Variants in ADAMTS17 observed in about 807,000 individuals in gnomAD.
ADAMTS17 encodes ADAM metallopeptidase with thrombospondin type 1 motif 17.
In ADAMTS17, 113 loss-of-function variants were observed where a neutral mutation model predicts 141.5. That is an observed-to-expected ratio of 0.80 (90% CI 0.69 to 0.93). ADAMTS17 has a LOEUF of 0.93. Among genes scored for constraint, ADAMTS17 ranks in the 40% least tolerant of loss-of-function variants. The pLI, the probability that ADAMTS17 is intolerant of heterozygous loss-of-function variation, is 0.00. For missense variants in ADAMTS17, 1,659 were observed against 1,517.9 expected (o/e 1.09, Z -1.54); for synonymous variants, 768 against 630.6 (o/e 1.22, Z -3.27).
chr15:100,003,538 T>C (rs1488691364), intron 18 of ADAMTS17, among the ~76,000 whole-genome samples: 2 of 152,082 alleles, frequency 1.3e-5, no homozygotes, highest in Non-Finnish European at 2.9e-5. Context: ...AGCCACTGAA[T>C]GGCTATGTGG....
intron 18 of ADAMTS17, among the ~76,000 whole-genome samples, chr15:100,000,406 CACG>C (rs762166786): frequency 2.2e-4 from 34 of 152,308 alleles, no homozygotes; most frequent in Non-Finnish European, 4.1e-4. Flanking sequence ...TCTACTCAGT[CACG>C]ACTTTTCTTC....
intron 17 of ADAMTS17, among the ~76,000 whole-genome samples, chr15:100,049,828 C>A (rs1055051647): frequency 6.6e-5 from 10 of 152,226 alleles, no homozygotes; most frequent in African/African-American, 2.4e-4. Context: ...TTTCCTCAAG[C>A]AGCCTGGTTT....
chr15:100,169,492 A>C (rs1179168033), intron 8 of ADAMTS17, among the ~76,000 whole-genome samples: 1 of 152,230 alleles, frequency 6.6e-6, no homozygotes, highest in Non-Finnish European at 1.5e-5. Context: ...AATTATTATT[A>C]TTCCACTTCA....
At chr15:100,269,823 T>C (rs1215010833) in intron 4 of ADAMTS17, among the ~76,000 whole-genome samples, 1 of 152,192 alleles carries the variant, frequency 6.6e-6, no homozygotes, top group East Asian at 1.9e-4. Context: ...CCCCAAACTC[T>C]GAGCTTGGAG....
rs149992169 is a variant in ADAMTS17 at position 100,008,785 on chromosome 15, C to G, written c.2592-11196G>C. On this transcript the variant is annotated intron_variant, in intron 18 of 21. Coordinates refer to ENST00000268070, the MANE Select transcript of ADAMTS17 (RefSeq NM_139057.4). ...AGGCCCACACCTACCCCTGGTGGGT[C>G]AGCCCTGTGACTCTAACACACATGT... 8.1e-3 allele frequency among the ~76,000 whole-genome samples: 1,228 copies of G among 152,310 alleles called. 14 individuals carry two copies. The highest frequency in any genetic ancestry group is 9.8e-3 in the Non-Finnish European group (666 of 68,006).
At chr15:100,109,636 G>A (rs1056641653) in intron 13 of ADAMTS17, among the ~76,000 whole-genome samples, 1 of 152,120 alleles carries the variant, frequency 6.6e-6, no homozygotes, top group Non-Finnish European at 1.5e-5. Context: ...GATCCCAGAA[G>A]AAACTGAGTG....
intron 15 of ADAMTS17, among the ~76,000 whole-genome samples, chr15:100,072,667 T>C (rs1405687176): frequency 6.6e-6 from 1 of 152,214 alleles, no homozygotes; most frequent in Non-Finnish European, 1.5e-5. Flanking sequence ...AAGGATTCCC[T>C]ATTTAATAAA....
intron 6 of ADAMTS17, among the ~76,000 whole-genome samples, chr15:100,261,241 G>A (rs2043505479): frequency 6.6e-6 from 1 of 152,220 alleles, no homozygotes; most frequent in Admixed American, 6.5e-5. Context: ...CAGGGAAAAT[G>A]CCATGTGACA....
chr15:100,248,276 C>T (rs191841426), intron 7 of ADAMTS17, among the ~76,000 whole-genome samples: 50 of 152,142 alleles, frequency 3.3e-4, no homozygotes, highest in African/African-American at 1.2e-3. Context: ...TTTAGGCTGG[C>T]ACAAAAACCA....
intron 15 of ADAMTS17, among the ~76,000 whole-genome samples, chr15:100,061,453 C>G (rs1216009159): frequency 2.0e-5 from 3 of 152,214 alleles, no homozygotes; most frequent in South Asian, 4.2e-4. Flanking sequence ...GTATACATGG[C>G]CCTCAGGCTT....
At chr15:100,050,052 G>A (rs1198553273) in intron 17 of ADAMTS17, among the ~76,000 whole-genome samples, 1 of 152,148 alleles carries the variant, frequency 6.6e-6, no homozygotes, top group Non-Finnish European at 1.5e-5. Flanking sequence ...CTGTGTCCTG[G>A]GCAATTTGTC....
chr15:100,209,697 CGTGGCAGAATCA>C (rs1596284226), intron 7 of ADAMTS17, among the ~76,000 whole-genome samples: 2 of 151,972 alleles, frequency 1.3e-5, no homozygotes, highest in Admixed American at 1.3e-4. Flanking sequence ...ACAGGTGACT[CGTGGCAGAATCA>C]GTGGCAGACA....
chr15:100,275,760 G>C (rs1288147948), intron 4 of ADAMTS17, among the ~76,000 whole-genome samples: 2 of 152,008 alleles, frequency 1.3e-5, no homozygotes, highest in African/African-American at 2.4e-5. Flanking sequence ...ATCATAAGCA[G>C]TCACATCTTC....
At chr15:100,086,468 A>T (rs1740553528) in intron 15 of ADAMTS17, among the ~76,000 whole-genome samples, 1 of 152,096 alleles carries the variant, frequency 6.6e-6, no homozygotes, top group African/African-American at 2.4e-5. Context: ...ATATCCAGGA[A>T]TTGAACTCAG....
intron 13 of ADAMTS17, among the ~76,000 whole-genome samples, chr15:100,116,186 G>A (rs954227298): frequency 2.7e-5 from 4 of 149,440 alleles, no homozygotes; most frequent in African/African-American, 5.0e-5. Flanking sequence ...GGGTCCTGGG[G>A]TGTCCTCATC....
In ADAMTS17 at chr15:100,201,748, T is replaced by G. The variant is rs189295755; in HGVS notation, c.1076-2325A>C. ...CCACGTGGATGTCACAACCCAGCAATGCAGACTATTAAAAAAAACAACACG... is the reference window on the plus strand; with the variant it reads ...CCACGTGGATGTCACAACCCAGCAAGGCAGACTATTAAAAAAAACAACACG... On this transcript the variant is annotated intron_variant, in intron 7 of 21. Coordinates refer to ENST00000268070, the MANE Select transcript of ADAMTS17 (RefSeq NM_139057.4). 2.8e-3 allele frequency among the ~76,000 whole-genome samples: 430 copies of G among 152,166 alleles called. 6 individuals are homozygous for G. The highest frequency in any genetic ancestry group is 0.027 in the Admixed American group (414 of 15,286).
intron 2 of ADAMTS17, 55 bp from the exon 3 acceptor site, chr15:100,331,109 C>T (rs752169505): frequency 7.0e-4 from 1,123 of 1,607,838 alleles, no homozygotes; most frequent in Non-Finnish European, 8.6e-4. Context: ...CACACACGCC[C>T]ATGGCCCCCC....
chr15:100,299,603 G>A lies in ADAMTS17; in HGVS notation c.617-18202C>T, dbSNP rs780377127. On this transcript the variant is annotated intron_variant, in intron 3 of 21. Transcript: ENST00000268070. ...CACGTTTCAACCAGAGCAAGACAGG[G>A]CAAACAAAAGCCTGAAAAGAAATCG... 2.2e-4 allele frequency among the ~76,000 whole-genome samples: 34 copies of A among 152,118 alleles called. 1 individual carries two copies. Among genetic ancestry groups the A allele is most frequent in the Admixed American group, 1.2e-3 (18 of 15,262 alleles).
chr15:100,032,948 T>C (rs768997287), intron 18 of ADAMTS17, among the ~76,000 whole-genome samples: 1 of 152,216 alleles, frequency 6.6e-6, no homozygotes, highest in Non-Finnish European at 1.5e-5. Flanking sequence ...CCAAAGAGCT[T>C]TGCCTTTCTG....
Sources: allele counts gnomAD v4.1 joint callset (sites outside exome capture counted in the v4.1 genomes callset), GRCh38; gene constraint gnomAD v4.1.1; transcripts MANE v1.5; gene names NCBI Gene and HGNC (gene_info 2026-07-23, HGNC 2026-07-21).